The following RRP12 variants were observed in gnomAD, a reference collection of about 807,000 sequenced individuals.
The protein encoded by RRP12 is ribosomal RNA processing 12 homolog.
In RRP12, 78 loss-of-function variants were observed where a neutral mutation model predicts 157.3. That is an observed-to-expected ratio of 0.50 (90% CI 0.41 to 0.60). The LOEUF is 0.60. Among genes scored for constraint, RRP12 ranks in the 20% least tolerant of loss-of-function variants. RRP12 has a pLI of 0.00. For missense variants in RRP12, 1,521 were observed against 1,679.9 expected (o/e 0.91, Z 1.65); for synonymous variants, 726 against 670.9 (o/e 1.08, Z -1.27).
chr10:97,382,091 A>AT (rs756044453), intron 10 of RRP12, among the ~76,000 whole-genome samples: 2 of 152,196 alleles, frequency 1.3e-5, no homozygotes, highest in Non-Finnish European at 2.9e-5. Context: ...CCTGACCCTT[A>AT]TATGTACTTC....
intron 3 of RRP12, 23 bp from the exon 4 acceptor site, chr10:97,393,783 T>C: frequency 1.2e-6 from 2 of 1,605,226 alleles, no homozygotes; most frequent in Non-Finnish European, 1.7e-6. Flanking sequence ...TTGAGGGGGT[T>C]TGAATGGATA....
At chr10:97,371,366 C>G (rs1258670731) in intron 20 of RRP12, 4 of 461,224 alleles carry the variant, frequency 8.7e-6, no homozygotes, top group Non-Finnish European at 1.6e-5. Context: ...GCGCCAAGGC[C>G]TGCACATCTG....
In RRP12 at chr10:97,401,141, A is replaced by G; in HGVS notation, c.91T>C (p.Cys31Arg). 6.2e-7 allele frequency: 1 copy of G among 1,614,072 alleles called. No individual in the cohort carries two copies. The highest frequency in any genetic ancestry group is 8.5e-7 in the Non-Finnish European group (1 of 1,180,014). ...CTGCGGGCGGCCTGACGGTGGCGGC[A>G]GATGGCGGGGTTGCTGTCGCTGCTG... The part of the protein sequence containing the change: ...GHSSDSNPAI[C>R]RHRQAARSRF... The change falls in exon 1 of 34, where the codon TGC becomes CGC. Residue 31 changes from cysteine (C) to arginine (R), a missense_variant. Physicochemically the swap from Cys to Arg is radical, Grantham distance 180 (BLOSUM62 -3). Coordinates refer to ENST00000370992, the MANE Select transcript of RRP12 (RefSeq NM_015179.4).
chr10:97,381,368 T>C lies in RRP12; in HGVS notation c.1418+18A>G, dbSNP rs750321092. ...AAGGTACCACCATCCCTTCCTAACA[T>C]GGACCCCATATCCTCACCTGAACAT... On this transcript the variant is annotated intron_variant, in intron 12 of 33. Transcript: ENST00000370992. The C allele has an allele frequency of 3.8e-6, 6 of 1,570,666 alleles. No individual in the cohort carries two copies. The highest frequency in any genetic ancestry group is 2.7e-5 in the African/African-American group (2 of 73,156).
chr10:97,389,816 G>A (rs748506526), intron 6 of RRP12, among the ~76,000 whole-genome samples: 1 of 151,814 alleles, frequency 6.6e-6, no homozygotes, highest in Non-Finnish European at 1.5e-5. Context: ...GGGTTCAAGC[G>A]ATTCTCCTGC....
intron 19 of RRP12, 69 bp from the exon 20 acceptor site, chr10:97,372,235 AC>A: frequency 8.1e-7 from 1 of 1,233,554 alleles, no homozygotes; most frequent in Non-Finnish European, 1.2e-6. Flanking sequence ...CAGTGTTCTT[AC>A]GTCTACTGGG....
chr10:97,388,747 C>T (rs1169298548), intron 6 of RRP12, 123 bp from the exon 7 acceptor site: 2 of 1,204,062 alleles, frequency 1.7e-6, no homozygotes, highest in East Asian at 2.5e-5. Flanking sequence ...GATCTGACTA[C>T]TATAGATCCA....
At chr10:97,399,616 A>G (rs1324417880) in intron 2 of RRP12, among the ~76,000 whole-genome samples, 1 of 152,060 alleles carries the variant, frequency 6.6e-6, no homozygotes, top group Non-Finnish European at 1.5e-5. Flanking sequence ...GCATTTTAGG[A>G]GGCCAAGGTG....
At chr10:97,386,052 CCCT>C in intron 8 of RRP12, 59 bp from the exon 9 acceptor site, 1 of 1,114,730 alleles carries the variant, frequency 9.0e-7, no homozygotes, top group Middle Eastern at 2.0e-4. Context: ...GGCCCTGGAC[CCCT>C]CAACTCCACC....
chr10:97,357,754 C>T (rs1278005174), intron 33 of RRP12, among the ~76,000 whole-genome samples: 2 of 151,786 alleles, frequency 1.3e-5, no homozygotes, highest in African/African-American at 2.4e-5. Context: ...GTCAGGGGAT[C>T]AAGACCATCC....
At chr10:97,364,368 C>G (rs535047396) in intron 29 of RRP12, among the ~76,000 whole-genome samples, 3 of 152,198 alleles carry the variant, frequency 2.0e-5, no homozygotes, top group African/African-American at 7.2e-5. Context: ...ATGAAACTGA[C>G]CAATTGGAGG....
chr10:97,381,911 T>C lies in RRP12; in HGVS notation c.1209-85A>G. The C allele has an allele frequency of 3.3e-6, 3 of 898,204 alleles. No individual in the cohort carries two copies. The South Asian group carries it at 4.7e-5, about 14-fold the overall frequency. 55.6% of individuals were successfully genotyped at this position (898,204 alleles called of 1,614,324 possible). On this transcript the variant is annotated intron_variant, in intron 10 of 33. Transcript: ENST00000370992. ...GGGCTCAGGGCTGAGACGGCCCAGC[T>C]CTGAAAACAGTCACAAACCCAGTGA...
chr10:97,386,247 G>T (rs954460577), intron 8 of RRP12, among the ~76,000 whole-genome samples: 5 of 149,256 alleles, frequency 3.3e-5, no homozygotes, highest in Non-Finnish European at 7.4e-5. Flanking sequence ...GGCTATAAAC[G>T]GTCTGTTACA....
At chr10:97,381,961 C>T (rs1197710026) in intron 10 of RRP12, 135 bp from the exon 11 acceptor site, 5 of 619,658 alleles carry the variant, frequency 8.1e-6, no homozygotes, top group Non-Finnish European at 1.4e-5. Context: ...TAGGGCCCTT[C>T]TGGTGGGTGG....
chr10:97,375,960 G>A (rs1479768024), intron 15 of RRP12, among the ~76,000 whole-genome samples: 3 of 151,866 alleles, frequency 2.0e-5, no homozygotes, highest in East Asian at 1.9e-4. Context: ...AAAAATTAGC[G>A]AGGGGTGATG....
Position 97,381,837 on chromosome 10 carries a change from A to G in RRP12, c.1209-11T>C. The G allele has an allele frequency of 6.2e-7, 1 of 1,608,320 alleles. No individual in the cohort carries two copies. The highest frequency in any genetic ancestry group is 8.5e-7 in the Non-Finnish European group (1 of 1,175,030). On this transcript the variant is annotated splice_polypyrimidine_tract_variant and intron_variant, in intron 10 of 33. Transcript: ENST00000370992. ...AGGTCCCACTGCAACCTGTCAAGAC[A>G]AAAGGTTTCTGTGGGGCCTGGCCTG... is the stretch of plus-strand genomic sequence containing the variant.
intron 1 of RRP12, 30 bp downstream of exon 1, chr10:97,401,063 C>T (rs1300248431): frequency 6.2e-7 from 1 of 1,608,900 alleles, no homozygotes; most frequent in East Asian, 2.2e-5. Context: ...AACCCCGCCC[C>T]CGGCTGCGCT....
intron 10 of RRP12, among the ~76,000 whole-genome samples, chr10:97,383,948 G>A (rs1250564666): frequency 1.3e-5 from 2 of 152,168 alleles, no homozygotes; most frequent in Admixed American, 6.5e-5. Context: ...CTGTCAGAAC[G>A]AGCTGCACTG....
At position 97,398,210 on chromosome 10, in the gene RRP12, G is replaced by A. The variant is rs1358575461; in HGVS notation, c.370-1909C>T. On this transcript the variant is annotated intron_variant, in intron 2 of 33. Transcript: ENST00000370992. ...GCTGGGACTACAGGCGCCCGCCACC[G>A]CGCCCGGCTAATTTTTTGTATTTTT... 5.3e-5 allele frequency among the ~76,000 whole-genome samples: 5 copies of A among 94,340 alleles called. 1 individual carries two copies. Among genetic ancestry groups the A allele is most frequent in the East Asian group, 2.7e-4 (1 of 3,768 alleles). The allele number at this position is 94,340 out of a possible 152,430, so 61.9% of individuals were successfully genotyped here. A position where few individuals can be genotyped will look rare whatever the true frequency, so the allele number is the denominator to read the frequency against.
Sources: allele counts gnomAD v4.1 joint callset (sites outside exome capture counted in the v4.1 genomes callset), GRCh38; gene constraint gnomAD v4.1.1; transcripts MANE v1.5; gene names NCBI Gene and HGNC (gene_info 2026-07-23, HGNC 2026-07-21).